The following LSM10 variants were observed in gnomAD, a reference collection of about 807,000 sequenced individuals.
The protein encoded by LSM10 is LSM10, U7 small nuclear RNA associated.
In LSM10, 4 loss-of-function variants were observed where a neutral mutation model predicts 5.2. The observed-to-expected ratio is 0.77, with a 90% CI of 0.38 to 1.77. The LOEUF (loss-of-function observed/expected upper bound fraction) is 1.77. Ranked by LOEUF, LSM10 falls within the 40% of genes most tolerant of loss-of-function variation. The pLI, the probability that LSM10 is intolerant of heterozygous loss-of-function variation, is 0.04. For synonymous variants in LSM10, 63 were observed against 67.4 expected (o/e 0.94, Z 0.32); for missense variants, 150 against 171.6 (o/e 0.87, Z 0.70).
rs551842459 is a variant in LSM10 at position 36,397,906 on chromosome 1, T to G, written c.-164A>C. 9.9e-5 allele frequency: 15 copies of G among 152,222 alleles called. No homozygotes were observed. Among genetic ancestry groups the G allele is most frequent in the East Asian group, 7.7e-4 (4 of 5,172 alleles). The allele number at this position is 152,222 out of a possible 1,614,324, so 9.4% of individuals were successfully genotyped here. ...GCCGCTCTGTCCTCCGGGCGCAGAG[T>G]GCGTCAGTGCTCTGCAAGTCACCGC... On this transcript the variant is annotated 5_prime_UTR_variant, in exon 1 of 2. Transcript: ENST00000315732.
At chr1:36,394,502 T>C (rs1037920573) in intron 1 of LSM10, among the ~76,000 whole-genome samples, 4 of 152,074 alleles carry the variant, frequency 2.6e-5, no homozygotes, top group African/African-American at 9.7e-5. Context: ...CCAACTCTGA[T>C]TTTTTAAAAA....
chr1:36,393,468 G>C lies in LSM10; in HGVS notation c.*290C>G, dbSNP rs1266835289. 4.3e-6 allele frequency: 2 copies of C among 460,280 alleles called. No homozygotes were observed. The highest frequency in any genetic ancestry group is 4.0e-6 in the Non-Finnish European group (1 of 251,028). 28.5% of individuals were successfully genotyped at this position (460,280 alleles called of 1,614,324 possible). A position where few individuals can be genotyped will look rare whatever the true frequency, so the allele number is the denominator to read the frequency against. ...GAGCATGTTTAATTATCCTCACTGG[G>C]AGAGTTGAAAACTACTTGACAGGTT... is the stretch of plus-strand genomic sequence containing the variant. On this transcript the variant is annotated 3_prime_UTR_variant, in exon 2 of 2. Transcript: ENST00000315732.
chr1:36,395,449 G>C (rs1017214002), intron 1 of LSM10, among the ~76,000 whole-genome samples: 1 of 152,054 alleles, frequency 6.6e-6, no homozygotes, highest in African/African-American at 2.4e-5. Flanking sequence ...ACTTGCCCAA[G>C]GTCACAGTAA....
At chr1:36,396,462 C>A (rs537336662) in intron 1 of LSM10, among the ~76,000 whole-genome samples, 1 of 152,338 alleles carries the variant, frequency 6.6e-6, no homozygotes, top group South Asian at 2.1e-4. Context: ...TTGGTTGACA[C>A]CAGTAGTTCT....
chr1:36,396,223 C>CAAA (rs71053922), intron 1 of LSM10, among the ~76,000 whole-genome samples: 1 of 73,944 alleles, frequency 1.4e-5, no homozygotes, highest in Admixed American at 1.7e-4. Flanking sequence ...GACTCCATCT[C>CAAA]AAAAAAAAAA....
chr1:36,396,083 C>T (rs959697150), intron 1 of LSM10, among the ~76,000 whole-genome samples: 4 of 150,322 alleles, frequency 2.7e-5, no homozygotes, highest in African/African-American at 4.9e-5. Flanking sequence ...ATTAGCCAGG[C>T]GTGGTGGCGG....
chr1:36,393,893 G>T lies in LSM10; in HGVS notation c.237C>A (p.Val79=). 1 of 1,614,254 alleles carries T rather than the reference G, an allele frequency of 6.2e-7. No homozygotes were observed. Among genetic ancestry groups the T allele is most frequent in the Non-Finnish European group, 8.5e-7 (1 of 1,180,050 alleles). Residue 79 remains valine (V), a synonymous_variant, in exon 2 of 2, where the codon GTC becomes GTA. Transcript: ENST00000315732. The stretch of plus-strand genomic sequence containing the variant: ...CGTCATCTGGGATGTGGACGTAGCG[G>T]ACATTGCGGCCTGTCACAAAGAGGT... ...LDDLFVTGRN[V]RYVHIPDDVN...
chr1:36,393,498 A>T lies in LSM10; in HGVS notation c.*260T>A. ...TTGAAAACTACTTGACAGGTTCCAT[A>T]ATCAATAAGTCAGAGATTCAGATCA... On this transcript the variant is annotated 3_prime_UTR_variant, in exon 2 of 2. Transcript: ENST00000315732. 1 of 532,272 alleles carries T rather than the reference A, an allele frequency of 1.9e-6. No homozygotes were observed. The highest frequency in any genetic ancestry group is 2.3e-5 in the South Asian group (1 of 43,338). The allele number at this position is 532,272 out of a possible 1,614,324, so 33.0% of individuals were successfully genotyped here.
At chr1:36,397,237 C>T (rs960016772) in intron 1 of LSM10, among the ~76,000 whole-genome samples, 2 of 152,326 alleles carry the variant, frequency 1.3e-5, no homozygotes, top group Admixed American at 6.5e-5. Context: ...TGCACTATGT[C>T]TTACCTATCC....
At position 36,393,510 on chromosome 1, in the gene LSM10, A is replaced by G; in HGVS notation, c.*248T>C. ...TGACAGGTTCCATAATCAATAAGTC[A>G]GAGATTCAGATCATCAAAAAGGGGG... On this transcript the variant is annotated 3_prime_UTR_variant, in exon 2 of 2. Coordinates refer to ENST00000315732, the MANE Select transcript of LSM10 (RefSeq NM_032881.3). The G allele has an allele frequency of 1.8e-6, 1 of 557,262 alleles. No individual in the cohort carries two copies. Among genetic ancestry groups the G allele is most frequent in the East Asian group, 3.0e-5 (1 of 33,278 alleles). The allele number at this position is 557,262 out of a possible 1,614,324, so 34.5% of individuals were successfully genotyped here. A position where few individuals can be genotyped will look rare whatever the true frequency, so the allele number is the denominator to read the frequency against.
rs893341619 is a variant in LSM10 at position 36,393,762 on chromosome 1, T to C, written c.368A>G (p.Lys123Arg). 1 of 1,613,844 alleles carries C rather than the reference T, an allele frequency of 6.2e-7. No homozygotes were observed. Among genetic ancestry groups the C allele is most frequent in the Non-Finnish European group, 8.5e-7 (1 of 1,179,864 alleles). The change falls in exon 2 of 2, where the codon AAG (lysine) becomes AGG (arginine). Residue 123 changes from lysine to arginine, a missense_variant. Lys to Arg is a conservative substitution (Grantham distance 26, BLOSUM62 2). Transcript: ENST00000315732. Reference sequence around the variant, plus strand: ...GGCCAGGGCTTGCTGAGGGCCTCACTTACAGTTTTTTGGGGGAAATTCCCA... The same window carrying C: ...GGCCAGGGCTTGCTGAGGGCCTCACCTACAGTTTTTTGGGGGAAATTCCCA... ...GRWEFPPKNC[K>R]
chr1:36,396,427 G>A (rs1647158803), intron 1 of LSM10, among the ~76,000 whole-genome samples: 1 of 152,152 alleles, frequency 6.6e-6, no homozygotes. Context: ...ACGTGAATTA[G>A]ATACACGTTA....
chr1:36,396,273 A>T (rs2124762340), intron 1 of LSM10, among the ~76,000 whole-genome samples: 1 of 150,442 alleles, frequency 6.6e-6, no homozygotes, highest in African/African-American at 2.4e-5. Context: ...ATAACTCCAA[A>T]GTGCTGAGGG....
At chr1:36,394,993 G>A (rs79048015) in intron 1 of LSM10, among the ~76,000 whole-genome samples, 1 of 152,138 alleles carries the variant, frequency 6.6e-6, no homozygotes, top group African/African-American at 2.4e-5. Context: ...TGTAATCTCA[G>A]CTACTCGGGA....
intron 1 of LSM10, among the ~76,000 whole-genome samples, chr1:36,397,389 C>G (rs1033560690): frequency 2.6e-5 from 4 of 152,104 alleles, no homozygotes; most frequent in African/African-American, 4.8e-5. Flanking sequence ...GGAGCTAGGT[C>G]CCTGGGCATG....
chr1:36,396,334 G>GATAA (rs892516847), intron 1 of LSM10, among the ~76,000 whole-genome samples: 1 of 151,564 alleles, frequency 6.6e-6, no homozygotes, highest in African/African-American at 2.4e-5. Flanking sequence ...CCTGTTCTGA[G>GATAA]ATAAAATCCA....
rs201409815 is a variant in LSM10, at chr1:36,393,868, C to T, written c.262G>A (p.Val88Met). ...NVRYVHIPDD[V>M]NITSTIEQQL... ...TGCTCAATGGTCGAGGTGATGTTCA[C>T]GTCATCTGGGATGTGGACGTAGCGG... The change falls in exon 2 of 2, where the codon GTG (valine) becomes ATG (methionine). Residue 88 changes from valine (V) to methionine (M), a missense_variant. Transcript: ENST00000315732. 2.4e-5 allele frequency: 39 copies of T among 1,614,252 alleles called. 1 individual carries two copies. In the East Asian group the frequency reaches 4.9e-4, roughly 20 times the overall value.
chr1:36,396,016 T>G (rs1647155968), intron 1 of LSM10, among the ~76,000 whole-genome samples: 1 of 151,614 alleles, frequency 6.6e-6, no homozygotes, highest in Non-Finnish European at 1.5e-5. Flanking sequence ...GGTCAGGAGA[T>G]CAAGACCATC....
chr1:36,393,788 C>T lies in LSM10; in HGVS notation c.342G>A (p.Arg114=), dbSNP rs1434996993. The T allele has an allele frequency of 1.2e-6, 2 of 1,614,198 alleles. No individual in the cohort carries two copies. Among genetic ancestry groups the T allele is most frequent in the Non-Finnish European group, 8.5e-7 (1 of 1,180,016 alleles). ...VRNFGGKGQG[R]WEFPPKNCK ...TACAGTTTTTTGGGGGAAATTCCCA[C>T]CGGCCTTGGCCCTTGCCACCAAAGT... The change falls in exon 2 of 2, where the codon CGG becomes CGA. Residue 114 remains arginine (R), a synonymous_variant. Transcript: ENST00000315732.
Sources: gnomAD v4.1 joint callset for allele counts (sites outside exome capture counted in the v4.1 genomes callset) on GRCh38, gnomAD v4.1.1 for gene constraint, MANE v1.5 for transcripts, NCBI Gene and HGNC (gene_info 2026-07-23, HGNC 2026-07-21) for gene names.